The following AGO2 variants were observed in gnomAD, a reference collection of about 807,000 sequenced individuals.
AGO2 encodes the protein argonaute RISC catalytic component 2, also known as protein argonaute-2.
In AGO2, 5 loss-of-function variants were observed where a neutral mutation model predicts 102.3. That is an observed-to-expected ratio of 0.05 (90% CI 0.03 to 0.10). AGO2 has a LOEUF of 0.10. Ranked by LOEUF, AGO2 falls within the 10% of genes least tolerant of loss-of-function variation. The probability of loss-of-function intolerance (pLI) is 1.00; values close to 1 mark genes in which losing one functional copy is unlikely to be tolerated. For missense variants in AGO2, 541 were observed against 1,183.7 expected, an observed-to-expected ratio of 0.46 and a Z score of 7.97; for synonymous variants, 449 against 473.1, an observed-to-expected ratio of 0.95 and a Z score of 0.66.
intron 3 of AGO2, among the ~76,000 whole-genome samples, chr8:140,568,031 A>C (rs2073316333): frequency 6.7e-6 from 1 of 149,374 alleles, no homozygotes; most frequent in South Asian, 2.2e-4. Flanking sequence ...AGGCCCAGGC[A>C]GGTGGATCAC....
intron 13 of AGO2, 55 bp from the exon 14 acceptor site, chr8:140,544,358 G>A (rs953210525): frequency 1.9e-5 from 27 of 1,439,868 alleles, no homozygotes; most frequent in Middle Eastern, 1.8e-4. Context: ...GACCTCTGAC[G>A]CTAGTAGGTG....
Position 140,555,938 on chromosome 8 carries a change from A to T in AGO2, c.1227T>A (p.Thr409=), listed in dbSNP as rs549099917. 1 of 1,614,160 alleles carries T rather than the reference A, an allele frequency of 6.2e-7. No individual in the cohort carries two copies. Among genetic ancestry groups the T allele is most frequent in the East Asian group, 2.2e-5 (1 of 44,878 alleles). ...IMVKDEMTDV[T]GRVLQPPSIL... is the part of the protein sequence containing the mutation. ...TGGAGGGCGGCTGCAGCACCCGCCC[A>T]GTCACGTCTGTCATCTCATCTTTGA... Residue 409 remains threonine, a synonymous_variant, in exon 10 of 19, where the codon ACT becomes ACA. Coordinates refer to ENST00000220592, the MANE Select transcript of AGO2 (RefSeq NM_012154.5).
In AGO2 at chr8:140,545,869, G is replaced by A. The variant is rs554730020; in HGVS notation, c.1749-1566C>T. Reference sequence around the variant, plus strand: ...GGCCACACTGTCGGGTGCCTCCGACGGCCCCAGCTCACCCCAGCTCACCAG... The same window carrying A: ...GGCCACACTGTCGGGTGCCTCCGACAGCCCCAGCTCACCCCAGCTCACCAG... On this transcript the variant is annotated intron_variant, in intron 13 of 18. Coordinates refer to ENST00000220592, the MANE Select transcript of AGO2 (RefSeq NM_012154.5). Among the ~76,000 whole-genome samples the A allele has an allele frequency of 7.7e-4, 117 of 152,294 alleles. 1 individual carries two copies. Among genetic ancestry groups the A allele is most frequent in the African/African-American group, 2.6e-3 (109 of 41,570 alleles).
chr8:140,556,001 G>C lies in AGO2; in HGVS notation c.1164C>G (p.Phe388Leu), dbSNP rs2073088914. ...ATTCACGGACGTATGGATCTGTGTT[G>C]AAACTTGCACTTCGCATCTGGCAAA... ...EISKLMRSAS[F>L]NTDPYVREFG... The change falls in exon 10 of 19, where the codon TTC (phenylalanine) becomes TTG (leucine). Residue 388 changes from phenylalanine to leucine, a missense_variant. Coordinates refer to ENST00000220592, the MANE Select transcript of AGO2 (RefSeq NM_012154.5). 6.2e-7 allele frequency: 1 copy of C among 1,614,074 alleles called. No individual in the cohort carries two copies. Among genetic ancestry groups the C allele is most frequent in the Non-Finnish European group, 8.5e-7 (1 of 1,180,030 alleles).
At chr8:140,635,451 C>T (rs2074395170) in intron 1 of AGO2, 34 bp downstream of exon 1, 2 of 979,762 alleles carry the variant, frequency 2.0e-6, no homozygotes, top group South Asian at 4.5e-5. Context: ...AGCGCGCGAA[C>T]GGCCGGGCGG....
At chr8:140,572,971 A>G in intron 2 of AGO2, 39 bp from the exon 3 acceptor site, 2 of 1,581,512 alleles carry the variant, frequency 1.3e-6, no homozygotes, top group Non-Finnish European at 1.7e-6. Context: ...TGTCAATAAA[A>G]TGGAGAAAAT....
intron 1 of AGO2, among the ~76,000 whole-genome samples, chr8:140,617,845 T>G (rs751852863): frequency 6.6e-6 from 1 of 151,520 alleles, no homozygotes; most frequent in Non-Finnish European, 1.5e-5. Flanking sequence ...AGTGAGACCC[T>G]GTCTCTACTA....
chr8:140,605,461 G>A (rs996477439), intron 1 of AGO2, among the ~76,000 whole-genome samples: 1 of 152,214 alleles, frequency 6.6e-6, no homozygotes, highest in Non-Finnish European at 1.5e-5. Context: ...AAGTGAAATG[G>A]GATAACCCAG....
At chr8:140,556,406 G>A (rs2073094926) in intron 8 of AGO2, 120 bp from the exon 9 acceptor site, 1 of 1,310,486 alleles carries the variant, frequency 7.6e-7, no homozygotes, top group Middle Eastern at 2.6e-4. Context: ...CTCATCCCTG[G>A]GCTATGAAGT....
rs1214945915 is a variant in AGO2 at position 140,625,970 on chromosome 8, A to G, written c.22+9515T>C. On this transcript the variant is annotated intron_variant, in intron 1 of 18. Coordinates refer to ENST00000220592, the MANE Select transcript of AGO2 (RefSeq NM_012154.5). ...TAGCATCTGGCAAACTGCATACTTC[A>G]CGAAGCAGCAGCACGCACAGGGACC... 6.6e-5 allele frequency among the ~76,000 whole-genome samples: 10 copies of G among 152,280 alleles called. No homozygotes were observed. In the East Asian group the frequency reaches 1.5e-3, roughly 24 times the overall value.
chr8:140,549,295 G>C lies in AGO2; in HGVS notation c.1407C>G (p.Ser469=). 6.3e-7 allele frequency: 1 copy of C among 1,590,394 alleles called. No homozygotes were observed. The highest frequency in any genetic ancestry group is 1.3e-5 in the African/African-American group (1 of 74,694). The change falls in exon 12 of 19, where the codon TCC becomes TCG. Residue 469 remains serine, a synonymous_variant. Transcript: ENST00000220592. ...AGATCTTTCTGAGCTGCTCTGTGAA[G>C]GACCTGCAGGAGAAGGCTCCGTTCA... ...QRQCTEVHLK[S]FTEQLRKISR...
At chr8:140,587,452 C>T (rs942203290) in intron 1 of AGO2, among the ~76,000 whole-genome samples, 2 of 152,250 alleles carry the variant, frequency 1.3e-5, no homozygotes, top group Non-Finnish European at 2.9e-5. Flanking sequence ...CTGCCAAGGA[C>T]GCCTCTGCAG....
chr8:140,536,786 T>C (rs2072706072), intron 16 of AGO2, among the ~76,000 whole-genome samples: 1 of 152,016 alleles, frequency 6.6e-6, no homozygotes, highest in Non-Finnish European at 1.5e-5. Flanking sequence ...GCAACAGAGA[T>C]CTGGGGGCTG....
At chr8:140,578,851 T>G (rs924718949) in intron 2 of AGO2, among the ~76,000 whole-genome samples, 1 of 152,242 alleles carries the variant, frequency 6.6e-6, no homozygotes. Context: ...AGCCGGAGCG[T>G]GTTGCTAATG....
Position 140,568,124 on chromosome 8 carries a change from A to G in AGO2, c.336+4688T>C, listed in dbSNP as rs1437014377. On this transcript the variant is annotated intron_variant, in intron 3 of 18. Coordinates refer to ENST00000220592, the MANE Select transcript of AGO2 (RefSeq NM_012154.5). ...AATACAAAAAAAAAAAAAAAAAAAA[A>G]GAAAAGAAAATTAGCCGGGCATGGT... 6.3e-5 allele frequency among the ~76,000 whole-genome samples: 9 copies of G among 143,760 alleles called. No individual in the cohort carries two copies. In the South Asian group the frequency reaches 1.3e-3, roughly 21 times the overall value. 94.3% of individuals were successfully genotyped at this position (143,760 alleles called of 152,430 possible). A position where few individuals can be genotyped will look rare whatever the true frequency, so the allele number is the denominator to read the frequency against.
chr8:140,585,103 G>C lies in AGO2; in HGVS notation c.215+16C>G. 1 of 1,611,046 alleles carries C rather than the reference G, an allele frequency of 6.2e-7. No individual in the cohort carries two copies. The highest frequency in any genetic ancestry group is 8.5e-7 in the Non-Finnish European group (1 of 1,177,710). On this transcript the variant is annotated intron_variant, in intron 2 of 18. Transcript: ENST00000220592. Reference sequence around the variant, plus strand: ...GCAGACCACTTACACAGGTCATGAAGGATGAAACGTAATACCTGTTAACTC... The same window carrying C: ...GCAGACCACTTACACAGGTCATGAACGATGAAACGTAATACCTGTTAACTC...
chr8:140,560,843 T>C (rs56051969), intron 4 of AGO2, among the ~76,000 whole-genome samples: 1,824 of 152,334 alleles, frequency 0.012, 39 homozygotes, highest in African/African-American at 0.042. Context: ...CTTACTGTCC[T>C]CACTGTCTAC....
At chr8:140,635,044 C>A (rs2074388775) in intron 1 of AGO2, among the ~76,000 whole-genome samples, 1 of 149,838 alleles carries the variant, frequency 6.7e-6, no homozygotes, top group South Asian at 2.1e-4. Context: ...AGGGTCAGGC[C>A]GGGCCGGGCT....
intron 3 of AGO2, among the ~76,000 whole-genome samples, chr8:140,566,130 G>T (rs2073280428): frequency 6.6e-6 from 1 of 152,090 alleles, no homozygotes; most frequent in Admixed American, 6.6e-5. Flanking sequence ...CACTTGAATT[G>T]TATCTCCTAG....
Sources: allele counts gnomAD v4.1 joint callset (sites outside exome capture counted in the v4.1 genomes callset), GRCh38; gene constraint gnomAD v4.1.1; transcripts MANE v1.5; gene names NCBI Gene and HGNC (gene_info 2026-07-23, HGNC 2026-07-21).